The following STX8 variants were observed in gnomAD, a reference collection of about 807,000 sequenced individuals.
The protein encoded by STX8 is syntaxin-8.
A neutral mutation model predicts 37.5 loss-of-function variants in STX8; 23 were observed. The observed-to-expected ratio is 0.61, with a 90% confidence interval of 0.44 to 0.87. The LOEUF is 0.87. Among genes scored for constraint, STX8 ranks in the 40% least tolerant of loss-of-function variants. The pLI, the probability that STX8 is intolerant of heterozygous loss-of-function variation, is 0.00. For missense variants in STX8, 313 were observed against 284.7 expected (o/e 1.10, Z -0.71); for synonymous variants, 115 against 99.1 (o/e 1.16, Z -0.95).
intron 6 of STX8, among the ~76,000 whole-genome samples, chr17:9,460,310 C>T (rs1567570595): frequency 6.6e-6 from 1 of 152,122 alleles, no homozygotes; most frequent in Non-Finnish European, 1.5e-5. Flanking sequence ...ACTATCACTC[C>T]CATTCCTTTC....
intron 1 of STX8, among the ~76,000 whole-genome samples, chr17:9,570,161 T>A (rs1448202967): frequency 2.6e-5 from 4 of 152,098 alleles, no homozygotes; most frequent in Admixed American, 6.6e-5. Context: ...TTAAAACCTT[T>A]CAATTCCCAC....
At chr17:9,376,075 A>C (rs1327984676) in intron 7 of STX8, among the ~76,000 whole-genome samples, 1 of 152,188 alleles carries the variant, frequency 6.6e-6, no homozygotes. Flanking sequence ...TAGGAAACTG[A>C]GGCCCAGATT....
At chr17:9,253,072 G>A (rs1490709113) in intron 7 of STX8, among the ~76,000 whole-genome samples, 3 of 152,132 alleles carry the variant, frequency 2.0e-5, no homozygotes, top group Admixed American at 6.5e-5. Context: ...CCTTCAATGC[G>A]CTCTTCATTT....
chr17:9,345,910 G>T (rs182585093), intron 7 of STX8, among the ~76,000 whole-genome samples: 150 of 124,522 alleles, frequency 1.2e-3, no homozygotes, highest in Middle Eastern at 6.6e-3. Flanking sequence ...GGAGTGCAGT[G>T]GCACGGTCTC....
intron 7 of STX8, among the ~76,000 whole-genome samples, chr17:9,354,831 G>C (rs1030174559): frequency 1.3e-5 from 2 of 152,140 alleles, no homozygotes; most frequent in Non-Finnish European, 2.9e-5. Flanking sequence ...TAGAACAGCT[G>C]TTCTCTTGGT....
intron 4 of STX8, among the ~76,000 whole-genome samples, chr17:9,515,632 C>T (rs1373175837): frequency 6.6e-6 from 1 of 152,202 alleles, no homozygotes; most frequent in African/African-American, 2.4e-5. Context: ...AAGGGATCCT[C>T]CCACCTCAGC....
intron 7 of STX8, among the ~76,000 whole-genome samples, chr17:9,277,875 G>A (rs139808600): frequency 6.6e-6 from 1 of 152,110 alleles, no homozygotes; most frequent in East Asian, 1.9e-4. Context: ...TAAATTTGGT[G>A]AGAGTGTCAG....
intron 3 of STX8, among the ~76,000 whole-genome samples, chr17:9,545,512 G>A (rs1027135189): frequency 1.3e-5 from 2 of 152,176 alleles, no homozygotes; most frequent in Non-Finnish European, 2.9e-5. Flanking sequence ...AAACACTGAC[G>A]TGGATCATGA....
chr17:9,505,749 C>G (rs542490659), intron 4 of STX8, among the ~76,000 whole-genome samples: 2 of 151,754 alleles, frequency 1.3e-5, no homozygotes, highest in African/African-American at 4.8e-5. Context: ...CAGACCAGCC[C>G]GTCCAACATG....
chr17:9,298,843 C>A (rs6503191), intron 7 of STX8, among the ~76,000 whole-genome samples: 68,093 of 150,690 alleles, frequency 0.45, 16,344 homozygotes, highest in African/African-American at 0.61. Flanking sequence ...AAAACAAAAC[C>A]AAACCAAACC....
chr17:9,460,474 A>C (rs776782307), intron 6 of STX8, among the ~76,000 whole-genome samples: 13 of 152,128 alleles, frequency 8.5e-5, no homozygotes, highest in Non-Finnish European at 1.6e-4. Flanking sequence ...GGAATTCAAG[A>C]CCAGCTTGGC....
At chr17:9,378,724 T>C in intron 6 of STX8, 71 bp from the exon 7 acceptor site, 1 of 1,165,554 alleles carries the variant, frequency 8.6e-7, no homozygotes, top group Non-Finnish European at 1.3e-6. Flanking sequence ...ACAGCTGTGG[T>C]TGTTCATCCT....
intron 4 of STX8, among the ~76,000 whole-genome samples, chr17:9,535,076 T>C (rs1042354841): frequency 6.6e-6 from 1 of 152,214 alleles, no homozygotes; most frequent in African/African-American, 2.4e-5. Flanking sequence ...GTAGGATTCA[T>C]ACTCTTCACC....
Position 9,255,561 on chromosome 17 carries a change from A to T in STX8, c.644-4916T>A, listed in dbSNP as rs1006546315. 1.7e-3 allele frequency among the ~76,000 whole-genome samples: 232 copies of T among 139,980 alleles called. 1 individual carries two copies. Among genetic ancestry groups the T allele is most frequent in the African/African-American group, 6.5e-3 (218 of 33,464 alleles). 91.8% of individuals were successfully genotyped at this position (139,980 alleles called of 152,430 possible). A position where few individuals can be genotyped will look rare whatever the true frequency, so the allele number is the denominator to read the frequency against. On this transcript the variant is annotated intron_variant, in intron 7 of 7. Coordinates refer to ENST00000306357, the MANE Select transcript of STX8 (RefSeq NM_004853.3). ...AAATAAATAAATAAATAAATATATA[A>T]ATAAATAAATAAATAAATAAATAAA...
chr17:9,344,368 C>T (rs1289841908), intron 7 of STX8, among the ~76,000 whole-genome samples: 2 of 151,706 alleles, frequency 1.3e-5, no homozygotes, highest in Non-Finnish European at 2.9e-5. Flanking sequence ...TCAAGCAATT[C>T]GCCTGCCTCA....
chr17:9,258,751 T>C (rs1001606351), intron 7 of STX8, among the ~76,000 whole-genome samples: 2 of 152,244 alleles, frequency 1.3e-5, no homozygotes, highest in African/African-American at 4.8e-5. Flanking sequence ...TTTCTCTGTA[T>C]TGTGGGCCAG....
intron 2 of STX8, among the ~76,000 whole-genome samples, chr17:9,566,716 G>A (rs1369217126): frequency 6.6e-6 from 1 of 152,118 alleles, no homozygotes; most frequent in Non-Finnish European, 1.5e-5. Flanking sequence ...GAACCTGGGA[G>A]GCAGAGGATG....
intron 2 of STX8, among the ~76,000 whole-genome samples, chr17:9,567,285 C>T (rs1008375958): frequency 6.6e-6 from 1 of 152,138 alleles, no homozygotes; most frequent in Non-Finnish European, 1.5e-5. Context: ...CACATATGTA[C>T]CCCTGAACTT....
At chr17:9,494,615 CAAAAA>C (rs35806606) in intron 5 of STX8, among the ~76,000 whole-genome samples, 7 of 64,310 alleles carry the variant, frequency 1.1e-4, no homozygotes, top group Non-Finnish European at 1.6e-4. Context: ...GAACCTGTCT[CAAAAA>C]AAAAAAAAAA....
Sources: gnomAD v4.1 joint callset for allele counts (sites outside exome capture counted in the v4.1 genomes callset) on GRCh38, gnomAD v4.1.1 for gene constraint, MANE v1.5 for transcripts, NCBI Gene and HGNC (gene_info 2026-07-23, HGNC 2026-07-21) for gene names.